The following MEF2C variants were observed in gnomAD, a reference collection of about 807,000 sequenced individuals.
The protein encoded by MEF2C is myocyte enhancer factor 2C.
A neutral mutation model predicts 50.5 loss-of-function variants in MEF2C; 6 were observed. The observed-to-expected ratio is 0.12, with a 90% confidence interval of 0.07 to 0.23. MEF2C has a LOEUF of 0.23. Ranked by LOEUF, MEF2C falls within the 10% of genes least tolerant of loss-of-function variation. The pLI is 1.00. For missense variants in MEF2C, 276 were observed against 605.0 expected, an observed-to-expected ratio of 0.46 and a Z score of 5.70; for synonymous variants, 183 against 228.0, an observed-to-expected ratio of 0.80 and a Z score of 1.78.
intron 4 of MEF2C, among the ~76,000 whole-genome samples, chr5:88,756,245 C>T (rs1775232655): frequency 6.6e-6 from 1 of 152,022 alleles, no homozygotes; most frequent in Non-Finnish European, 1.5e-5. Flanking sequence ...TTCTAGTGTA[C>T]CCATTACCCA....
chr5:88,895,112 T>C (rs1834981129), intron 1 of MEF2C, among the ~76,000 whole-genome samples: 2 of 152,196 alleles, frequency 1.3e-5, no homozygotes, highest in South Asian at 4.1e-4. Context: ...TTTCAAGAAA[T>C]ACCCCATATT....
chr5:88,889,727 C>A (rs1312486536), intron 1 of MEF2C, among the ~76,000 whole-genome samples: 3 of 151,930 alleles, frequency 2.0e-5, no homozygotes, highest in African/African-American at 7.3e-5. Context: ...TGGAGGAGGG[C>A]GCAACGGCTG....
chr5:88,734,745 A>G (rs1763421885), intron 6 of MEF2C: 1 of 982,748 alleles, frequency 1.0e-6, no homozygotes, highest in Non-Finnish European at 1.2e-6. Context: ...CCTCAAAACT[A>G]AAAAAATTGA....
At chr5:88,786,664 AT>A (rs1791051517) in intron 3 of MEF2C, among the ~76,000 whole-genome samples, 2 of 152,338 alleles carry the variant, frequency 1.3e-5, no homozygotes, top group South Asian at 4.1e-4. Context: ...AAAACAAAAA[AT>A]AAAGGCTGCT....
upstream of MEF2C, chr5:88,883,662 C>G (rs1833633349): frequency 6.6e-6 from 1 of 152,236 alleles, no homozygotes; most frequent in African/African-American, 2.4e-5. Context: ...CTTTGCTTCG[C>G]GCTGCCTTTT....
intron 6 of MEF2C, chr5:88,736,075 C>A: frequency 1.0e-6 from 1 of 985,322 alleles, no homozygotes; most frequent in African/African-American, 1.7e-5. Flanking sequence ...TCTATTATCC[C>A]CTCTCCTCCT....
At chr5:88,768,375 T>C (rs1426671430) in intron 3 of MEF2C, among the ~76,000 whole-genome samples, 2 of 152,222 alleles carry the variant, frequency 1.3e-5, no homozygotes, top group Admixed American at 1.3e-4. Context: ...CAAGGCTGTC[T>C]GGCTGGCTGG....
intron 3 of MEF2C, among the ~76,000 whole-genome samples, chr5:88,769,737 TG>T (rs1045043881): frequency 2.5e-4 from 38 of 152,264 alleles, no homozygotes; most frequent in African/African-American, 8.4e-4. Flanking sequence ...CTCTGCCTCC[TG>T]GGTTCAAGTG....
chr5:88,759,075 C>T (rs1056860483), intron 4 of MEF2C, among the ~76,000 whole-genome samples: 9 of 152,242 alleles, frequency 5.9e-5, no homozygotes, highest in African/African-American at 2.2e-4. Context: ...TTCTTACTAT[C>T]TGACACACCT....
At chr5:88,780,160 A>C (rs1011319675) in intron 3 of MEF2C, among the ~76,000 whole-genome samples, 4 of 152,084 alleles carry the variant, frequency 2.6e-5, no homozygotes, top group African/African-American at 9.7e-5. Context: ...AAAAAAAAGA[A>C]AAAGAAAAAA....
At chr5:88,896,632 T>C (rs1835147090) in intron 1 of MEF2C, among the ~76,000 whole-genome samples, 2 of 152,126 alleles carry the variant, frequency 1.3e-5, no homozygotes. Context: ...AGAGTATCCA[T>C]ATCAAATGGA....
intron 1 of MEF2C, among the ~76,000 whole-genome samples, chr5:88,899,323 G>A (rs1031656161): frequency 3.9e-5 from 6 of 152,026 alleles, no homozygotes; most frequent in Non-Finnish European, 5.9e-5. Context: ...ATAGGGATAG[G>A]GTGGGGCCCA....
chr5:88,903,729 A>C (rs539904593), intron 1 of MEF2C, among the ~76,000 whole-genome samples: 7 of 152,206 alleles, frequency 4.6e-5, no homozygotes, highest in Admixed American at 2.0e-4. Context: ...TAAAAAAAAA[A>C]CCTAAAAAAT....
chr5:88,813,255 G>A (rs1243704411), intron 2 of MEF2C, among the ~76,000 whole-genome samples: 2 of 151,940 alleles, frequency 1.3e-5, no homozygotes, highest in Non-Finnish European at 2.9e-5. Flanking sequence ...AATTTTGGTT[G>A]GTAGTAAATA....
intron 3 of MEF2C, among the ~76,000 whole-genome samples, chr5:88,790,843 G>T (rs1793432754): frequency 6.6e-6 from 1 of 152,244 alleles, no homozygotes; most frequent in South Asian, 2.1e-4. Flanking sequence ...GATGAACAAA[G>T]CTTCGTCATG....
chr5:88,845,811 A>T (rs1178923305), intron 1 of MEF2C, among the ~76,000 whole-genome samples: 1 of 152,064 alleles, frequency 6.6e-6, no homozygotes, highest in African/African-American at 2.4e-5. Flanking sequence ...GCTCACTGCA[A>T]CCTCCACCTC....
intron 1 of MEF2C, among the ~76,000 whole-genome samples, chr5:88,846,400 T>C (rs534878957): frequency 6.6e-5 from 10 of 152,200 alleles, no homozygotes; most frequent in Non-Finnish European, 1.2e-4. Context: ...GCTACAAATA[T>C]ATGGCATTTC....
intron 8 of MEF2C, 110 bp downstream of exon 8, chr5:88,730,101 G>T: frequency 9.4e-7 from 1 of 1,059,166 alleles, no homozygotes; most frequent in Non-Finnish European, 1.4e-6. Flanking sequence ...CATAATCAAT[G>T]TTGACATACT....
intron 1 of MEF2C, among the ~76,000 whole-genome samples, chr5:88,835,518 G>GA (rs1198767670): frequency 1.3e-5 from 2 of 151,972 alleles, no homozygotes; most frequent in East Asian, 3.9e-4. Flanking sequence ...GCGTTTTTAA[G>GA]AAAAAAATAC....
Sources: gnomAD v4.1 joint callset for allele counts (sites outside exome capture counted in the v4.1 genomes callset) on GRCh38, gnomAD v4.1.1 for gene constraint, MANE v1.5 for transcripts, NCBI Gene and HGNC (gene_info 2026-07-23, HGNC 2026-07-21) for gene names.